The following CCDC91 variants were observed in gnomAD, a reference collection of about 807,000 sequenced individuals.
CCDC91 encodes the protein coiled-coil domain-containing protein 91.
CCDC91 carries 48 observed loss-of-function variants against 63.2 expected under a neutral mutation model. The ratio of observed to expected loss-of-function variants is 0.76; its 90% CI spans 0.60 to 0.97. The LOEUF is 0.97. CCDC91 is among the 50% of genes least tolerant of loss of function. The pLI is 0.00. For missense variants in CCDC91, 500 were observed against 494.6 expected (o/e 1.01, Z -0.10); for synonymous variants, 167 against 165.8 (o/e 1.01, Z -0.06).
chr12:28,500,870 A>C (rs1339163298), intron 12 of CCDC91, among the ~76,000 whole-genome samples: 1 of 151,678 alleles, frequency 6.6e-6, no homozygotes, highest in Non-Finnish European at 1.5e-5. Context: ...TTTTATACTC[A>C]ATCTGTTAGA....
chr12:28,441,687 G>GTATA (rs148605668), intron 8 of CCDC91, among the ~76,000 whole-genome samples: 11 of 144,598 alleles, frequency 7.6e-5, no homozygotes, highest in African/African-American at 2.8e-4. Flanking sequence ...TATCTCATGT[G>GTATA]TATATATATA....
intron 1 of CCDC91, among the ~76,000 whole-genome samples, chr12:28,201,296 T>G (rs879957146): frequency 1.4e-5 from 2 of 148,056 alleles, no homozygotes; most frequent in African/African-American, 2.5e-5. Flanking sequence ...GCGGAGGGTC[T>G]CCTCACTTCT....
chr12:28,461,589 G>A (rs1950313404), intron 11 of CCDC91, among the ~76,000 whole-genome samples: 1 of 151,538 alleles, frequency 6.6e-6, no homozygotes, highest in Non-Finnish European at 1.5e-5. Context: ...TAAATTTCAG[G>A]GTATACATGC....
At chr12:28,495,003 G>T (rs1952203965) in intron 12 of CCDC91, among the ~76,000 whole-genome samples, 1 of 151,712 alleles carries the variant, frequency 6.6e-6, no homozygotes, top group African/African-American at 2.4e-5. Context: ...TTCACCATTT[G>T]ATTCTGATAA....
At chr12:28,225,311 A>G (rs535580640) in intron 1 of CCDC91, among the ~76,000 whole-genome samples, 85 of 152,322 alleles carry the variant, frequency 5.6e-4, no homozygotes, top group South Asian at 2.3e-3. Flanking sequence ...AGGAAATTGT[A>G]TGGCCCTTAT....
chr12:28,328,034 C>T (rs1361733097), intron 6 of CCDC91, among the ~76,000 whole-genome samples: 1 of 152,092 alleles, frequency 6.6e-6, no homozygotes, highest in Non-Finnish European at 1.5e-5. Flanking sequence ...TAGGGGCACT[C>T]TGTTAATTTA....
At chr12:28,226,807 T>C (rs1184816193) in intron 1 of CCDC91, among the ~76,000 whole-genome samples, 1 of 152,178 alleles carries the variant, frequency 6.6e-6, no homozygotes, top group Non-Finnish European at 1.5e-5. Context: ...TAGGCTGCTC[T>C]TGGCTGTGAC....
At chr12:28,513,865 A>G (rs184796936) in intron 12 of CCDC91, among the ~76,000 whole-genome samples, 1 of 151,916 alleles carries the variant, frequency 6.6e-6, no homozygotes, top group Admixed American at 6.6e-5. Flanking sequence ...TCTGTTATTG[A>G]TGGGCATTTA....
chr12:28,282,830 T>C (rs1948687002), intron 3 of CCDC91, among the ~76,000 whole-genome samples: 1 of 152,172 alleles, frequency 6.6e-6, no homozygotes, highest in African/African-American at 2.4e-5. Context: ...AGAATTTTTA[T>C]GGTTTCAGGT....
At chr12:28,406,219 C>T (rs1223514146) in intron 8 of CCDC91, among the ~76,000 whole-genome samples, 7 of 151,326 alleles carry the variant, frequency 4.6e-5, no homozygotes, top group Admixed American at 3.3e-4. Context: ...CATCCATTAG[C>T]TATTCTTCAT....
intron 12 of CCDC91, among the ~76,000 whole-genome samples, chr12:28,525,118 G>A (rs916561875): frequency 6.6e-6 from 1 of 151,674 alleles, no homozygotes; most frequent in African/African-American, 2.4e-5. Flanking sequence ...CTCACATTTC[G>A]GTTATTTCCT....
At chr12:28,361,394 A>G (rs1161644169) in intron 6 of CCDC91, among the ~76,000 whole-genome samples, 1 of 151,130 alleles carries the variant, frequency 6.6e-6, no homozygotes, top group African/African-American at 2.4e-5. Flanking sequence ...ATGTGTTCTC[A>G]TTGTTCAGTT....
chr12:28,530,382 G>A (rs1050444505), intron 12 of CCDC91, among the ~76,000 whole-genome samples: 8 of 152,330 alleles, frequency 5.3e-5, no homozygotes, highest in African/African-American at 9.6e-5. Flanking sequence ...ATGAGAGAGC[G>A]AATGAGCCTT....
At chr12:28,405,738 C>G (rs998560797) in intron 8 of CCDC91, among the ~76,000 whole-genome samples, 2 of 152,088 alleles carry the variant, frequency 1.3e-5, no homozygotes, top group African/African-American at 4.8e-5. Flanking sequence ...GTTTTGTTGG[C>G]TGGAAAAGTG....
chr12:28,342,158 T>C (rs1942472799), intron 6 of CCDC91, among the ~76,000 whole-genome samples: 1 of 152,170 alleles, frequency 6.6e-6, no homozygotes, highest in Non-Finnish European at 1.5e-5. Flanking sequence ...GTTTCTGAGA[T>C]GCAGAAACTG....
chr12:28,452,743 A>G, intron 11 of CCDC91, 89 bp downstream of exon 11: 1 of 546,826 alleles, frequency 1.8e-6, no homozygotes, highest in Admixed American at 3.8e-5. Flanking sequence ...ATCTTACTTA[A>G]AACAACCTTA....
chr12:28,249,384 G>C (rs1313773979), intron 1 of CCDC91, among the ~76,000 whole-genome samples: 4 of 152,194 alleles, frequency 2.6e-5, no homozygotes, highest in Non-Finnish European at 4.4e-5. Flanking sequence ...ATGGAACCAA[G>C]AGTTGTATAG....
chr12:28,390,396 C>A (rs1945858542), intron 7 of CCDC91, among the ~76,000 whole-genome samples: 1 of 151,312 alleles, frequency 6.6e-6, no homozygotes, highest in South Asian at 2.1e-4. Flanking sequence ...AAACAGACAT[C>A]TAAAAATAGA....
Position 28,328,651 on chromosome 12 carries a change from T to G in CCDC91, c.576+20902T>G, listed in dbSNP as rs144701024. The stretch of plus-strand genomic sequence containing the variant: ...AAGCAGTAGAATTGTTAAGATGTAG[T>G]GAGAGAATATAAAACTTTCCTCTGT... On this transcript the variant is annotated intron_variant, in intron 6 of 12. Coordinates refer to ENST00000536442, the MANE Select transcript of CCDC91 (RefSeq NM_018318.5). Among the ~76,000 whole-genome samples, 60 of 152,322 alleles carry G rather than the reference T, an allele frequency of 3.9e-4. 4 individuals carry two copies. In the East Asian group the frequency reaches 0.01, roughly 25 times the overall value.
Sources: allele counts gnomAD v4.1 joint callset (sites outside exome capture counted in the v4.1 genomes callset), GRCh38; gene constraint gnomAD v4.1.1; transcripts MANE v1.5; gene names NCBI Gene and HGNC (gene_info 2026-07-23, HGNC 2026-07-21).